Variants in LMBRD1 observed in about 807,000 individuals in gnomAD.
LMBRD1 encodes lysosomal cobalamin transport escort protein LMBD1.
A neutral mutation model predicts 74.8 loss-of-function variants in LMBRD1; 64 were observed. That is an observed-to-expected ratio of 0.86 (90% CI 0.70 to 1.05). LMBRD1 has a LOEUF of 1.05. Ranked by LOEUF, LMBRD1 falls within the 50% of genes least tolerant of loss-of-function variation. LMBRD1 has a pLI of 0.00. For missense variants in LMBRD1, 652 were observed against 645.9 expected (o/e 1.01, Z -0.10); for synonymous variants, 204 against 216.3 (o/e 0.94, Z 0.50).
Position 69,676,436 on chromosome 6 carries a change from A to G in LMBRD1, c.1509+14T>C, listed in dbSNP as rs375634273. 1.2e-6 allele frequency: 2 copies of G among 1,605,276 alleles called. No homozygotes were observed. The highest frequency in any genetic ancestry group is 1.1e-5 in the South Asian group (1 of 90,914). On this transcript the variant is annotated intron_variant, in intron 15 of 15. Transcript: ENST00000649934. ...AAAGGAAGGTCAAATCACGCGTGGGATATCTGCACTTACCCCAAGAAAGGC... is the reference window on the plus strand; with the variant it reads ...AAAGGAAGGTCAAATCACGCGTGGGGTATCTGCACTTACCCCAAGAAAGGC...
Position 69,732,446 on chromosome 6 carries a change from C to T in LMBRD1, c.636+5496G>A, listed in dbSNP as rs191190479. On this transcript the variant is annotated intron_variant, in intron 7 of 15. Transcript: ENST00000649934. ...CACCAGACACCTTGATGTTGTACTT[C>T]CCAGTCTCTAGAACCATGAGAAATA... is the stretch of plus-strand genomic sequence containing the variant. Among the ~76,000 whole-genome samples, 354 of 152,208 alleles carry T rather than the reference C, an allele frequency of 2.3e-3. 2 individuals carry two copies. The highest frequency in any genetic ancestry group is 1.6e-3 in the Non-Finnish European group (112 of 67,988).
chr6:69,729,154 T>C (rs745619893), intron 7 of LMBRD1, among the ~76,000 whole-genome samples: 64 of 150,240 alleles, frequency 4.3e-4, no homozygotes, highest in Admixed American at 3.5e-3. Flanking sequence ...TACAATTTTA[T>C]GCTACTTTAG....
At chr6:69,738,176 G>C (rs1767016146) in intron 6 of LMBRD1, among the ~76,000 whole-genome samples, 161 bp from the exon 7 acceptor site, 1 of 152,108 alleles carries the variant, frequency 6.6e-6, no homozygotes, top group Non-Finnish European at 1.5e-5. Flanking sequence ...GTGGAGAAAA[G>C]AGTTTCTAAA....
intron 3 of LMBRD1, among the ~76,000 whole-genome samples, chr6:69,761,687 T>C (rs1765376900): frequency 1.3e-5 from 2 of 152,216 alleles, no homozygotes; most frequent in Admixed American, 6.5e-5. Context: ...AACTGTGTAA[T>C]TCAATAATGT....
chr6:69,685,719 G>A (rs762723202), intron 14 of LMBRD1, among the ~76,000 whole-genome samples: 1 of 151,958 alleles, frequency 6.6e-6, no homozygotes, highest in Non-Finnish European at 1.5e-5. Context: ...GAGAATTGTT[G>A]GAACCCGGGA....
intron 14 of LMBRD1, 27 bp from the exon 15 acceptor site, chr6:69,676,568 T>C: frequency 6.7e-7 from 1 of 1,501,588 alleles, no homozygotes; most frequent in Non-Finnish European, 9.3e-7. Flanking sequence ...AAGACTATGG[T>C]GAGATAGGTT....
rs571551566 is a variant in LMBRD1, at chr6:69,740,864, C to T, written c.562+925G>A. On this transcript the variant is annotated intron_variant, in intron 6 of 15. Transcript: ENST00000649934. ...ATACACAATATTTTAATATCACTTT[C>T]TAATGCCAGTTATTTTTTCAATGAT... 2.0e-5 allele frequency among the ~76,000 whole-genome samples: 3 copies of T among 152,192 alleles called. No individual in the cohort carries two copies. In the South Asian group the frequency reaches 6.2e-4, roughly 32 times the overall value.
Position 69,678,889 on chromosome 6 carries a change from C to CAT in LMBRD1, c.1418-2350_1418-2349dup, listed in dbSNP as rs1308498774. The stretch of plus-strand genomic sequence containing the variant: ...TAGCATTAAAGTTATATTTTATCAA[C>CAT]ATATAAGACTTGTTACATAAAGCTT... On this transcript the variant is annotated intron_variant, in intron 14 of 15. Transcript: ENST00000649934. 2.6e-5 allele frequency among the ~76,000 whole-genome samples: 4 copies of CAT among 152,030 alleles called. No individual in the cohort carries two copies. In the East Asian group the frequency reaches 7.7e-4, roughly 29 times the overall value.
intron 3 of LMBRD1, among the ~76,000 whole-genome samples, chr6:69,757,860 A>G (rs1447624204): frequency 6.6e-6 from 1 of 152,204 alleles, no homozygotes; most frequent in Non-Finnish European, 1.5e-5. Flanking sequence ...ATAAAAGATA[A>G]ACAGATTTTT....
chr6:69,727,834 T>TC (rs1424421568), intron 7 of LMBRD1, among the ~76,000 whole-genome samples: 1 of 152,188 alleles, frequency 6.6e-6, no homozygotes, highest in African/African-American at 2.4e-5. Context: ...GATTTTCCTA[T>TC]CCTTATTATC....
chr6:69,700,656 C>G, intron 12 of LMBRD1, 109 bp downstream of exon 12: 1 of 722,888 alleles, frequency 1.4e-6, no homozygotes, highest in Non-Finnish European at 2.0e-6. Flanking sequence ...ATTTCTCTCA[C>G]TTGTGGTATA....
intron 2 of LMBRD1, among the ~76,000 whole-genome samples, chr6:69,784,679 C>T (rs181263525): frequency 1.3e-5 from 2 of 152,308 alleles, no homozygotes; most frequent in Admixed American, 1.3e-4. Context: ...CAGGAGCTCA[C>T]TCAACTTACT....
In LMBRD1 at chr6:69,700,747, AC is replaced by A. The variant is rs538437940; in HGVS notation, c.1188+17del. 129 of 1,416,108 alleles carry A rather than the reference AC, an allele frequency of 9.1e-5. 1 individual carries two copies. In the East Asian group the frequency reaches 3.2e-3, roughly 35 times the overall value. 87.7% of individuals were successfully genotyped at this position (1,416,108 alleles called of 1,614,324 possible). Reference sequence around the variant, plus strand: ...CACAAAATGATGAGAAAAAAATAATACTGTAATATATACTTACTCTAATCCA... The same window carrying A: ...CACAAAATGATGAGAAAAAAATAATATGTAATATATACTTACTCTAATCCA... On this transcript the variant is annotated intron_variant, in intron 12 of 15. Transcript: ENST00000649934.
At chr6:69,676,584 A>C (rs1465491468) in intron 14 of LMBRD1, 43 bp from the exon 15 acceptor site, 1 of 1,391,710 alleles carries the variant, frequency 7.2e-7, no homozygotes, top group Non-Finnish European at 1.0e-6. Context: ...AGGTTCTTTC[A>C]TAAAATTGAT....
chr6:69,792,933 T>G (rs1337416675), intron 1 of LMBRD1, among the ~76,000 whole-genome samples: 2 of 152,198 alleles, frequency 1.3e-5, no homozygotes, highest in Non-Finnish European at 2.9e-5. Flanking sequence ...CAGAATCCCT[T>G]TATAATGGTT....
intron 7 of LMBRD1, among the ~76,000 whole-genome samples, chr6:69,719,521 CTACATTATAAAGTTTATT>C (rs1250577844): frequency 1.3e-5 from 2 of 152,118 alleles, no homozygotes; most frequent in Non-Finnish European, 2.9e-5. Context: ...TATCAATTAT[CTACATTATAAAGTTTATT>C]TAAAAGTTCT....
rs574708536 is a variant in LMBRD1 at position 69,693,703 on chromosome 6, G to A, written c.1417+3860C>T. ...TATGTTGTAAAGAATAGTGTATACT[G>A]CTATACAAGTCCCTCACCATCCCTC... On this transcript the variant is annotated intron_variant, in intron 14 of 15. Coordinates refer to ENST00000649934, the MANE Select transcript of LMBRD1 (RefSeq NM_018368.4). Among the ~76,000 whole-genome samples, 15 of 151,882 alleles carry A rather than the reference G, an allele frequency of 9.9e-5. No individual in the cohort carries two copies. The East Asian group carries it at 1.9e-3, about 20-fold the overall frequency.
intron 3 of LMBRD1, among the ~76,000 whole-genome samples, chr6:69,774,357 G>A (rs546282233): frequency 2.6e-5 from 4 of 152,294 alleles, no homozygotes; most frequent in African/African-American, 9.6e-5. Flanking sequence ...TCTTGGGTAT[G>A]TCTTTATCAG....
intron 8 of LMBRD1, 107 bp from the exon 9 acceptor site, chr6:69,713,904 T>C: frequency 8.5e-7 from 1 of 1,176,054 alleles, no homozygotes. Flanking sequence ...GGACACTCTT[T>C]AGGCAAATTT....
Sources: allele counts gnomAD v4.1 joint callset (sites outside exome capture counted in the v4.1 genomes callset), GRCh38; gene constraint gnomAD v4.1.1; transcripts MANE v1.5; gene names NCBI Gene and HGNC (gene_info 2026-07-23, HGNC 2026-07-21).